SIPA1L1: variants seen among roughly 807,000 people sequenced by gnomAD.
SIPA1L1 encodes the protein signal induced proliferation associated 1 like 1.
Under a neutral mutation model 162.7 loss-of-function variants are expected in SIPA1L1, and 26 were observed. The observed-to-expected ratio is 0.16, with a 90% CI of 0.12 to 0.22. The LOEUF (loss-of-function observed/expected upper bound fraction) is 0.22, where lower values mean the gene tolerates loss of function less well. Among genes scored for constraint, SIPA1L1 ranks in the 10% least tolerant of loss-of-function variants. The probability of loss-of-function intolerance (pLI) is 1.00; values close to 1 mark genes in which losing one functional copy is unlikely to be tolerated. For synonymous variants in SIPA1L1, 829 were observed against 837.4 expected (o/e 0.99, Z 0.17); for missense variants, 1,874 against 2,241.0 (o/e 0.84, Z 3.31).
chr14:71,540,664 C>T (rs1390602666), intron 4 of SIPA1L1, among the ~76,000 whole-genome samples: 5 of 152,196 alleles, frequency 3.3e-5, no homozygotes, highest in Non-Finnish European at 7.4e-5. Flanking sequence ...GAAGCAGTTT[C>T]ACTGCTGAAA....
rs763727467 is a variant in SIPA1L1 at position 71,666,410 on chromosome 14, A to G, written c.2256-4709A>G. Among the ~76,000 whole-genome samples the G allele has an allele frequency of 9.9e-5, 15 of 152,232 alleles. No homozygotes were observed. In the South Asian group the frequency reaches 3.1e-3, roughly 32 times the overall value. On this transcript the variant is annotated intron_variant, in intron 10 of 23. Transcript: ENST00000381232. ...AAGCTAAATTAATTGCAATGTGTGG[A>G]TCCTATTTGGATCCCAATTTAGACA...
chr14:71,663,508 A>G (rs2043725271), intron 10 of SIPA1L1, among the ~76,000 whole-genome samples: 1 of 152,238 alleles, frequency 6.6e-6, no homozygotes, highest in South Asian at 2.1e-4. Flanking sequence ...AAAATTTAAT[A>G]TAATTTGATA....
intron 2 of SIPA1L1, among the ~76,000 whole-genome samples, chr14:71,450,608 AATT>A (rs2045742599): frequency 6.6e-6 from 1 of 152,240 alleles, no homozygotes; most frequent in Admixed American, 6.5e-5. Flanking sequence ...ATATTTGAGA[AATT>A]ATCAGAGAGA....
intron 2 of SIPA1L1, among the ~76,000 whole-genome samples, chr14:71,465,862 A>G (rs914397383): frequency 2.0e-5 from 3 of 152,194 alleles, no homozygotes; most frequent in African/African-American, 7.2e-5. Context: ...TCCAAAGTTC[A>G]AGGGCAGGAA....
chr14:71,705,779 C>T (rs1597116841), intron 16 of SIPA1L1, among the ~76,000 whole-genome samples: 1 of 152,074 alleles, frequency 6.6e-6, no homozygotes, highest in East Asian at 1.9e-4. Context: ...ACAGCTTCCC[C>T]TATGCCTCCT....
Position 71,735,047 on chromosome 14 carries a change from G to C in SIPA1L1, c.5009-230G>C, listed in dbSNP as rs74060402. On this transcript the variant is annotated intron_variant, in intron 21 of 23. Transcript: ENST00000381232. ...ACAGTGATGAGCAGGGAAGAGGGGG[G>C]ACTAGAAATTGACTCACAAATGTTT... Among the ~76,000 whole-genome samples the C allele has an allele frequency of 3.8e-4, 58 of 152,260 alleles. 1 individual carries two copies. Among genetic ancestry groups the C allele is most frequent in the African/African-American group, 1.3e-3 (56 of 41,542 alleles).
intron 2 of SIPA1L1, among the ~76,000 whole-genome samples, chr14:71,391,146 GC>G (rs1438267642): frequency 1.0e-4 from 11 of 106,966 alleles, no homozygotes; most frequent in African/African-American, 4.0e-4. Context: ...TTGCTCTGTT[GC>G]CCAGGCTGGA....
intron 2 of SIPA1L1, among the ~76,000 whole-genome samples, chr14:71,328,781 T>C (rs1474324980): frequency 6.6e-6 from 1 of 152,184 alleles, no homozygotes; most frequent in Non-Finnish European, 1.5e-5. Flanking sequence ...TTTAAAAAAA[T>C]TGTGGTAAAA....
chr14:71,719,260 T>C (rs1180615118), intron 17 of SIPA1L1, among the ~76,000 whole-genome samples: 1 of 152,156 alleles, frequency 6.6e-6, no homozygotes, highest in East Asian at 1.9e-4. Flanking sequence ...TTCCTGTACA[T>C]GTCCTTTTGT....
intron 2 of SIPA1L1, among the ~76,000 whole-genome samples, chr14:71,463,999 A>T (rs558431173): frequency 3.9e-5 from 6 of 152,190 alleles, no homozygotes; most frequent in Non-Finnish European, 8.8e-5. Flanking sequence ...TTGTAGTTAA[A>T]TTTAGTAGTT....
At chr14:71,659,950 A>G (rs2043366826) in intron 9 of SIPA1L1, among the ~76,000 whole-genome samples, 1 of 152,172 alleles carries the variant, frequency 6.6e-6, no homozygotes, top group South Asian at 2.1e-4. Context: ...CTTGGAAAAA[A>G]AAACCAGGAA....
At chr14:71,380,068 C>T (rs2141170295) in intron 2 of SIPA1L1, among the ~76,000 whole-genome samples, 1 of 152,214 alleles carries the variant, frequency 6.6e-6, no homozygotes, top group South Asian at 2.1e-4. Context: ...TAATCTAAGT[C>T]ATGTAAATAT....
chr14:71,476,853 A>G (rs968356172), intron 2 of SIPA1L1, among the ~76,000 whole-genome samples: 1 of 150,042 alleles, frequency 6.7e-6, no homozygotes, highest in African/African-American at 2.5e-5. Context: ...AATTTTTTGT[A>G]TTTTTTTTTA....
At chr14:71,643,017 A>G (rs2041863041) in intron 7 of SIPA1L1, among the ~76,000 whole-genome samples, 1 of 151,960 alleles carries the variant, frequency 6.6e-6, no homozygotes. Flanking sequence ...AGACAACTTC[A>G]CCTGACCTAA....
chr14:71,394,393 T>C (rs1230123662), intron 2 of SIPA1L1, among the ~76,000 whole-genome samples: 2 of 152,244 alleles, frequency 1.3e-5, no homozygotes, highest in Non-Finnish European at 2.9e-5. Flanking sequence ...TGGTTTGAAG[T>C]TACCAGAATA....
Position 71,650,408 on chromosome 14 carries a change from A to C in SIPA1L1, c.1892A>C (p.Asn631Thr). 6.2e-7 allele frequency: 1 copy of C among 1,614,214 alleles called. No individual in the cohort carries two copies. The highest frequency in any genetic ancestry group is 8.5e-7 in the Non-Finnish European group (1 of 1,180,000). ...AGCACTGAAGAAGAGATGTACAACA[A>C]TGAGTCAGCTGGCCCAGCCTTTGAA... The part of the protein sequence containing the change: ...GQSTEEEMYN[N>T]ESAGPAFEEF... Residue 631 changes from asparagine to threonine, a missense_variant, in exon 8 of 24, where the codon AAT becomes ACT. Coordinates refer to ENST00000381232, the MANE Select transcript of SIPA1L1 (RefSeq NM_001386936.1).
At chr14:71,366,014 CTG>C (rs768894343) in intron 2 of SIPA1L1, among the ~76,000 whole-genome samples, 4 of 151,806 alleles carry the variant, frequency 2.6e-5, no homozygotes, top group Non-Finnish European at 4.4e-5. Flanking sequence ...GCATGAGCCA[CTG>C]TGCCTGGCCA....
chr14:71,440,217 G>A (rs1377771467), intron 2 of SIPA1L1, among the ~76,000 whole-genome samples: 3 of 151,974 alleles, frequency 2.0e-5, no homozygotes, highest in South Asian at 4.2e-4. Context: ...AGTAGAGATG[G>A]GGTTTCACCA....
intron 13 of SIPA1L1, among the ~76,000 whole-genome samples, chr14:71,685,964 A>G (rs1033125834): frequency 2.0e-5 from 3 of 152,220 alleles, no homozygotes; most frequent in Admixed American, 2.0e-4. Context: ...GTGACTGTAT[A>G]TCATCCTTGA....
Sources: gnomAD v4.1 joint callset for allele counts (sites outside exome capture counted in the v4.1 genomes callset) on GRCh38, gnomAD v4.1.1 for gene constraint, MANE v1.5 for transcripts, NCBI Gene and HGNC (gene_info 2026-07-23, HGNC 2026-07-21) for gene names.